KLHL7: variants seen among roughly 807,000 people sequenced by gnomAD.
The protein encoded by KLHL7 is kelch-like protein 7.
A neutral mutation model predicts 67.4 loss-of-function variants in KLHL7; 44 were observed. The ratio of observed to expected loss-of-function variants is 0.65; its 90% CI spans 0.51 to 0.84. The LOEUF (loss-of-function observed/expected upper bound fraction) is 0.84, where lower values mean the gene tolerates loss of function less well. Among genes scored for constraint, KLHL7 ranks in the 40% least tolerant of loss-of-function variants. The pLI, the probability that KLHL7 is intolerant of heterozygous loss-of-function variation, is 0.00. For missense variants in KLHL7, 362 were observed against 718.1 expected, an observed-to-expected ratio of 0.50 and a Z score of 5.67; for synonymous variants, 252 against 243.3, an observed-to-expected ratio of 1.04 and a Z score of -0.33.
chr7:23,117,216 T>G (rs947885177), intron 1 of KLHL7, among the ~76,000 whole-genome samples: 1 of 151,060 alleles, frequency 6.6e-6, no homozygotes, highest in Non-Finnish European at 1.5e-5. Context: ...GCCTCCCGAG[T>G]AGCTGCTATT....
intron 4 of KLHL7, among the ~76,000 whole-genome samples, chr7:23,125,436 G>A (rs1300923482): frequency 6.6e-6 from 1 of 152,140 alleles, no homozygotes; most frequent in African/African-American, 2.4e-5. Flanking sequence ...CTAGGACAAT[G>A]AATAAGGATT....
chr7:23,170,932 G>A lies in KLHL7; in HGVS notation c.1380-2016G>A, dbSNP rs1220068585. Among the ~76,000 whole-genome samples, 105 of 141,432 alleles carry A rather than the reference G, an allele frequency of 7.4e-4. 2 individuals carry two copies. The highest frequency in any genetic ancestry group is 2.6e-3 in the African/African-American group (97 of 37,002). 92.8% of individuals were successfully genotyped at this position (141,432 alleles called of 152,430 possible). ...CTTTTTTTTTTTTTTTTTGTGAGAC[G>A]GAGTCTCACTCTGTCACCATGCTGG... On this transcript the variant is annotated intron_variant, in intron 9 of 10. Transcript: ENST00000339077.
At chr7:23,111,135 A>G (rs988013973) in intron 1 of KLHL7, among the ~76,000 whole-genome samples, 1 of 152,188 alleles carries the variant, frequency 6.6e-6, no homozygotes, top group Non-Finnish European at 1.5e-5. Context: ...ACATGGTACA[A>G]CGAGGGCATA....
chr7:23,151,680 A>G (rs1038788130), intron 6 of KLHL7, among the ~76,000 whole-genome samples: 4 of 152,200 alleles, frequency 2.6e-5, no homozygotes, highest in Non-Finnish European at 5.9e-5. Flanking sequence ...AGTCTGTGGT[A>G]GGTCCCAGGT....
chr7:23,154,168 A>G (rs1271194529), intron 7 of KLHL7, among the ~76,000 whole-genome samples: 2 of 152,212 alleles, frequency 1.3e-5, no homozygotes, highest in African/African-American at 4.8e-5. Context: ...AGCCTGGCCA[A>G]CATGGTGAAA....
chr7:23,167,762 A>G lies in KLHL7; in HGVS notation c.1178-74A>G. On this transcript the variant is annotated intron_variant, in intron 8 of 10. Transcript: ENST00000339077. ...TAAATTCTTCCTTCCTTAACTAATA[A>G]GATCTACAGTCAGTTCTTTCCAAAC... The G allele has an allele frequency of 3.0e-6, 4 of 1,333,620 alleles. No individual in the cohort carries two copies. The South Asian group carries it at 4.8e-5, about 16-fold the overall frequency. 82.6% of individuals were successfully genotyped at this position (1,333,620 alleles called of 1,614,324 possible). A position where few individuals can be genotyped will look rare whatever the true frequency, so the allele number is the denominator to read the frequency against.
chr7:23,157,621 T>C (rs1784746174), intron 7 of KLHL7, among the ~76,000 whole-genome samples: 1 of 152,224 alleles, frequency 6.6e-6, no homozygotes, highest in Admixed American at 6.5e-5. Context: ...TCTCAATTTC[T>C]TTTCAAGTAC....
chr7:23,169,018 T>G (rs1268020027), intron 9 of KLHL7, among the ~76,000 whole-genome samples: 2 of 152,166 alleles, frequency 1.3e-5, no homozygotes, highest in African/African-American at 4.8e-5. Flanking sequence ...TCCAGCACTT[T>G]GGGAGGCTGA....
intron 1 of KLHL7, among the ~76,000 whole-genome samples, chr7:23,121,470 AT>A (rs59152744): frequency 0.46 from 68,187 of 148,070 alleles, 17,645 homozygotes; most frequent in African/African-American, 0.72. Context: ...TAATTTTTGT[AT>A]TTTTTTTTTG....
intron 9 of KLHL7, 120 bp from the exon 10 acceptor site, chr7:23,172,828 G>A (rs558478508): frequency 9.8e-5 from 74 of 752,472 alleles, no homozygotes; most frequent in East Asian, 3.7e-4. Context: ...CATTTTGTGC[G>A]TATATGTACA....
intron 5 of KLHL7, 119 bp from the exon 6 acceptor site, chr7:23,143,732 A>G (rs1784267324): frequency 9.7e-7 from 1 of 1,034,318 alleles, no homozygotes; most frequent in South Asian, 1.3e-5. Flanking sequence ...GATGAAAAAT[A>G]CTAGAAATAA....
intron 8 of KLHL7, 121 bp downstream of exon 8, chr7:23,166,059 T>C: frequency 8.5e-7 from 1 of 1,181,194 alleles, no homozygotes; most frequent in Non-Finnish European, 1.2e-6. Flanking sequence ...AATTTAAATA[T>C]GTGTTTGTCA....
In KLHL7 at chr7:23,106,102, T is replaced by G; in HGVS notation, c.76T>G (p.Leu26Val). ...KKLAAREEAK[L>V]LAGFMGVMNN... ...ACTTGCTGCTCGGGAAGAAGCTAAA[T>G]TGTTGGCGGGTTTCATGGGCGTCAT... is the stretch of plus-strand genomic sequence containing the variant. The change falls in exon 1 of 11, where the codon TTG (leucine) becomes GTG (valine). Residue 26 changes from leucine (L) to valine (V), a missense_variant. Leu to Val is a conservative substitution (Grantham distance 32). Transcript: ENST00000339077. 1 of 1,609,906 alleles carries G rather than the reference T, an allele frequency of 6.2e-7. No individual in the cohort carries two copies. The highest frequency in any genetic ancestry group is 8.5e-7 in the Non-Finnish European group (1 of 1,178,376).
At chr7:23,141,030 A>G in intron 5 of KLHL7, 86 bp downstream of exon 5, 1 of 1,104,074 alleles carries the variant, frequency 9.1e-7, no homozygotes, top group East Asian at 2.4e-5. Context: ...ATGACAAGGG[A>G]AAGAGTCATA....
Position 23,139,975 on chromosome 7 carries a change from G to A in KLHL7, c.443-794G>A, listed in dbSNP as rs147223325. Among the ~76,000 whole-genome samples, 12 of 151,498 alleles carry A rather than the reference G, an allele frequency of 7.9e-5. No homozygotes were observed. In the East Asian group the frequency reaches 2.3e-3, roughly 29 times the overall value. ...TCTTAGTTGCTGACCCTACAAAACA[G>A]GCTATGGGCTAGATTTTGCCCATAA... On this transcript the variant is annotated intron_variant, in intron 4 of 10. Transcript: ENST00000339077.
At chr7:23,108,410 C>G (rs1782732887) in intron 1 of KLHL7, among the ~76,000 whole-genome samples, 2 of 152,142 alleles carry the variant, frequency 1.3e-5, no homozygotes, top group African/African-American at 4.8e-5. Flanking sequence ...CCTTTTGTTT[C>G]TAAGTAAACT....
chr7:23,152,351 A>G (rs1784563636), intron 7 of KLHL7, 142 bp downstream of exon 7: 2 of 781,414 alleles, frequency 2.6e-6, no homozygotes, highest in Non-Finnish European at 2.2e-6. Flanking sequence ...TATGAGATAC[A>G]TAGATCATTT....
At chr7:23,120,388 C>T (rs1417525952) in intron 1 of KLHL7, among the ~76,000 whole-genome samples, 1 of 152,078 alleles carries the variant, frequency 6.6e-6, no homozygotes, top group Non-Finnish European at 1.5e-5. Flanking sequence ...CTGTTGATTT[C>T]TTAAAAATTT....
chr7:23,149,565 G>A (rs1784467902), intron 6 of KLHL7, among the ~76,000 whole-genome samples: 1 of 152,222 alleles, frequency 6.6e-6, no homozygotes, highest in South Asian at 2.1e-4. Flanking sequence ...GTCTGGGTTA[G>A]TGTTCAATAA....
Sources: allele counts gnomAD v4.1 joint callset (sites outside exome capture counted in the v4.1 genomes callset), GRCh38; gene constraint gnomAD v4.1.1; transcripts MANE v1.5; gene names NCBI Gene and HGNC (gene_info 2026-07-23, HGNC 2026-07-21).